The following WDR62 variants were observed in gnomAD, a reference collection of about 807,000 sequenced individuals.
The protein encoded by WDR62 is WD repeat domain 62.
Under a neutral mutation model 160.6 loss-of-function variants are expected in WDR62, and 112 were observed. That is an observed-to-expected ratio of 0.70 (90% confidence interval 0.60 to 0.82). The LOEUF (loss-of-function observed/expected upper bound fraction) is 0.82. WDR62 is among the 40% of genes least tolerant of loss of function. The probability of loss-of-function intolerance (pLI) is 0.00; values close to 1 mark genes in which losing one functional copy is unlikely to be tolerated. For missense variants in WDR62, 1,819 were observed against 1,983.8 expected (o/e 0.92, Z 1.58); for synonymous variants, 792 against 815.1 (o/e 0.97, Z 0.48).
chr19:36,100,207 T>TA (rs1483851139), intron 22 of WDR62, among the ~76,000 whole-genome samples: 1 of 152,332 alleles, frequency 6.6e-6, no homozygotes, highest in East Asian at 1.9e-4. Context: ...CCTGGGCTCT[T>TA]AGAGGTGCCC....
Position 36,104,960 on chromosome 19 carries a change from C to T in WDR62, c.4504C>T (p.Gln1502Ter). The change falls in exon 32 of 32, where the codon CAG becomes TAG. Residue 1502 changes from glutamine to a stop codon, truncating the protein, a stop_gained. Transcript: ENST00000401500. LOFTEE classifies it high-confidence loss of function. ...GTACCCCCTGGCCAGCCCAGACCTG[C>T]AGGCCCTGCTGGAACACTACTCGGA... ...TLYPLASPDL[Q>*]ALLEHYSELL... 6.2e-7 allele frequency: 1 copy of T among 1,606,410 alleles called. No homozygotes were observed. The highest frequency in any genetic ancestry group is 2.2e-5 in the East Asian group (1 of 44,726).
Position 36,094,011 on chromosome 19 carries a change from A to T in WDR62, c.2334-20A>T. The stretch of plus-strand genomic sequence containing the variant: ...CATTTGCCTGTATTCTCTCCTTACC[A>T]TCCTCATTCCTGGCTTTAGGCAGGA... On this transcript the variant is annotated intron_variant, in intron 19 of 31. Coordinates refer to ENST00000401500, the MANE Select transcript of WDR62 (RefSeq NM_001083961.2). 2 of 1,613,252 alleles carry T rather than the reference A, an allele frequency of 1.2e-6. No homozygotes were observed. The highest frequency in any genetic ancestry group is 2.7e-5 in the African/African-American group (2 of 74,948).
chr19:36,102,665 C>A, intron 26 of WDR62, 72 bp from the exon 27 acceptor site: 2 of 1,396,798 alleles, frequency 1.4e-6, no homozygotes, highest in Non-Finnish European at 2.0e-6. Flanking sequence ...CCCCGCTGGG[C>A]TGTGGGCTGG....
intron 7 of WDR62, among the ~76,000 whole-genome samples, chr19:36,071,257 A>C (rs1425381660): frequency 6.6e-6 from 1 of 152,114 alleles, no homozygotes; most frequent in Non-Finnish European, 1.5e-5. Context: ...CAAGTGACTT[A>C]CCTGAAGTTG....
chr19:36,110,329 G>C, the WDR62 span, among the ~76,000 whole-genome samples: 106 of 152,084 alleles, frequency 7.0e-4, no homozygotes, highest in Non-Finnish European at 1.3e-3. Flanking sequence ...AAATTAGCCC[G>C]GTGTGGTGGT....
rs147875659 is a variant in WDR62, at chr19:36,084,678, G to A, written c.1576G>A (p.Glu526Lys). 204 of 1,613,778 alleles carry A rather than the reference G, an allele frequency of 1.3e-4. No homozygotes were observed. The Middle Eastern group carries it at 3.6e-3, about 29-fold the overall frequency. Residue 526 changes from glutamate to lysine, a missense_variant, in exon 12 of 32, where the codon GAG becomes AAG. Glu to Lys is a moderately conservative substitution (Grantham distance 56). This residue lies in a region of WDR62 where 934 missense variants were observed against 1,157.2 expected (regional missense o/e 0.81). Coordinates refer to ENST00000401500, the MANE Select transcript of WDR62 (RefSeq NM_001083961.2). ...LRIHELHFMD[E>K]LVKVEAHDAE... ...GATCCACGAGCTGCACTTCATGGAC[G>A]AGCTGGTCAAGGTGGAGGCCCATGA... is the stretch of plus-strand genomic sequence containing the variant.
chr19:36,105,809 C>T (rs1050971535), downstream of WDR62, among the ~76,000 whole-genome samples: 17 of 152,252 alleles, frequency 1.1e-4, no homozygotes, highest in African/African-American at 4.1e-4. Flanking sequence ...AGCGATTCTC[C>T]TGCCTCAGCC....
rs368600818 is a variant in WDR62 at position 36,059,912 on chromosome 19, A to C, written c.270-56A>C. ...GGGCTTTTCTGGTGGGAATAGAATC[A>C]TCCCAGGACCCCAACACTCCCCACA... On this transcript the variant is annotated intron_variant, in intron 2 of 31. Coordinates refer to ENST00000401500, the MANE Select transcript of WDR62 (RefSeq NM_001083961.2). 1.1e-4 allele frequency: 174 copies of C among 1,584,396 alleles called. 3 individuals carry two copies. In the East Asian group the frequency reaches 3.4e-3, roughly 31 times the overall value.
In WDR62 at chr19:36,099,735, G is replaced by T; in HGVS notation, c.2739+118G>T. 3 of 1,025,044 alleles carry T rather than the reference G, an allele frequency of 2.9e-6. No homozygotes were observed. In the South Asian group the frequency reaches 4.0e-5, roughly 14 times the overall value. The allele number at this position is 1,025,044 out of a possible 1,614,324, so 63.5% of individuals were successfully genotyped here. ...AGGGAGGATTACATGAGATGGTGAA[G>T]GGCAGGAGGGTGAGCCCCAGGTCTG... On this transcript the variant is annotated intron_variant, in intron 22 of 31. Transcript: ENST00000401500.
chr19:36,076,431 G>A (rs530979356), intron 9 of WDR62, among the ~76,000 whole-genome samples: 10 of 152,042 alleles, frequency 6.6e-5, no homozygotes, highest in Admixed American at 1.3e-4. Context: ...GGTGGCAGGC[G>A]CCTGTAGTCC....
intron 26 of WDR62, chr19:36,102,367 TCTC>T (rs1973415301): frequency 1.2e-5 from 8 of 664,798 alleles, no homozygotes; most frequent in Non-Finnish European, 1.8e-5. Context: ...TTCAAGCAAT[TCTC>T]CTGCCTCAGC....
chr19:36,065,631 A>C (rs1348568359), intron 3 of WDR62, among the ~76,000 whole-genome samples: 1 of 152,094 alleles, frequency 6.6e-6, no homozygotes. Context: ...CTGCATCTCT[A>C]TTTCTCAGTG....
At chr19:36,105,213 G>GA, downstream of WDR62, 2 of 748,702 alleles carry the variant, frequency 2.7e-6, no homozygotes, top group Non-Finnish European at 4.3e-6. Flanking sequence ...TGTCAGTGGA[G>GA]AGCATGGGAC....
chr19:36,097,086 C>T lies in WDR62; in HGVS notation c.2520+7C>T. On this transcript the variant is annotated splice_region_variant and intron_variant, in intron 21 of 31. Transcript: ENST00000401500. ...ACTGTGGGCAAAGCGGCTGGTAAGT[C>T]TTCAGGGAGAGGGTTGCTCAGGGGC... 6.2e-7 allele frequency: 1 copy of T among 1,613,790 alleles called. No homozygotes were observed. Among genetic ancestry groups the T allele is most frequent in the East Asian group, 2.2e-5 (1 of 44,886 alleles).
At chr19:36,067,579 T>C in intron 6 of WDR62, 136 bp downstream of exon 6, 3 of 1,320,670 alleles carry the variant, frequency 2.3e-6, no homozygotes, top group Non-Finnish European at 2.1e-6. Context: ...CAGCTGCTGC[T>C]TCTGGGCCTA....
At chr19:36,085,414 C>CTTTTCTTTTTTTTTTTT (rs1972154091) in intron 12 of WDR62, among the ~76,000 whole-genome samples, 1 of 70,382 alleles carries the variant, frequency 1.4e-5, no homozygotes, top group African/African-American at 4.7e-5. Context: ...CACACCTGAC[C>CTTTTCTTTTTTTTTTTT]TTTTTTTTTT....
chr19:36,080,295 T>TA (rs1422464124), intron 9 of WDR62, among the ~76,000 whole-genome samples: 2 of 149,400 alleles, frequency 1.3e-5, no homozygotes, highest in Non-Finnish European at 3.0e-5. Context: ...TTTTTTTTTT[T>TA]AGTAGAGACG....
At chr19:36,085,803 G>A (rs1412461286) in intron 12 of WDR62, among the ~76,000 whole-genome samples, 2 of 151,988 alleles carry the variant, frequency 1.3e-5, no homozygotes, top group Non-Finnish European at 2.9e-5. Context: ...ACAGAGTCTT[G>A]CTCTGTCACC....
chr19:36,069,153 C>A (rs1365256438), intron 7 of WDR62, among the ~76,000 whole-genome samples: 2 of 145,548 alleles, frequency 1.4e-5, no homozygotes, highest in African/African-American at 5.6e-5. Context: ...CCGGACTGGG[C>A]GGCTGGCCGG....
Sources: gnomAD v4.1 joint callset for allele counts (sites outside exome capture counted in the v4.1 genomes callset) on GRCh38, gnomAD v4.1.1 for gene constraint, gnomAD v4.1.1 regional missense constraint, MANE v1.5 for transcripts, NCBI Gene and HGNC (gene_info 2026-07-23, HGNC 2026-07-21) for gene names.